INSL5: variants seen among roughly 807,000 people sequenced by gnomAD.
INSL5 encodes insulin-like peptide INSL5.
A neutral mutation model predicts 4.3 loss-of-function variants in INSL5; 3 were observed. The ratio of observed to expected loss-of-function variants is 0.70; its 90% confidence interval spans 0.32 to 1.82. The LOEUF is 1.82. Among genes scored for constraint, INSL5 ranks in the 40% most tolerant of loss-of-function variants. The pLI, the probability that INSL5 is intolerant of heterozygous loss-of-function variation, is 0.08. For synonymous variants in INSL5, 68 were observed against 56.6 expected (o/e 1.20, Z -0.90); for missense variants, 168 against 160.9 (o/e 1.04, Z -0.24).
At chr1:66,798,364 T>C in intron 1 of INSL5, 119 bp from the exon 2 acceptor site, 1 of 693,992 alleles carries the variant, frequency 1.4e-6, no homozygotes, top group Non-Finnish European at 2.4e-6. Context: ...ATCATACACA[T>C]AATTTTTTAA....
chr1:66,801,065 T>C lies in INSL5; in HGVS notation c.157A>G (p.Ile53Val). 1.2e-6 allele frequency: 2 copies of C among 1,611,884 alleles called. No homozygotes were observed. Among genetic ancestry groups the C allele is most frequent in the Non-Finnish European group, 1.7e-6 (2 of 1,178,612 alleles). ...CTGTTACCTTGCTGAGCTTGAGGGA[T>C]CCCCTCCTGATGCCTTCTCCACCTG... ...SSRWRRHQEGIPQAQQAETGN... is the reference protein window; with the variant it reads ...SSRWRRHQEGVPQAQQAETGN... Residue 53 changes from isoleucine (I) to valine (V), a missense_variant, in exon 1 of 2, where the codon ATC becomes GTC. Transcript: ENST00000304526.
At chr1:66,800,661 A>G (rs1416880654) in intron 1 of INSL5, among the ~76,000 whole-genome samples, 1 of 152,138 alleles carries the variant, frequency 6.6e-6, no homozygotes, top group Non-Finnish European at 1.5e-5. Context: ...ATATTTAACA[A>G]CTGCCGGAAT....
chr1:66,800,935 C>T (rs1170728671), intron 1 of INSL5, 112 bp downstream of exon 1: 3 of 727,590 alleles, frequency 4.1e-6, no homozygotes, highest in Non-Finnish European at 6.4e-6. Context: ...ATAAAAAATG[C>T]CTCAACAGTA....
In INSL5 at chr1:66,798,270, A is replaced by G. The variant is rs767133700; in HGVS notation, c.176-25T>C. ...GCTGTATGGAAGAGAAAAAAATAAT[A>G]CATCCTTAGACAGCTCCTACAAAGA... On this transcript the variant is annotated intron_variant, in intron 1 of 1. Coordinates refer to ENST00000304526, the MANE Select transcript of INSL5 (RefSeq NM_005478.6). 5.3e-6 allele frequency: 8 copies of G among 1,505,132 alleles called. No homozygotes were observed. The South Asian group carries it at 9.1e-5, about 17-fold the overall frequency. 93.2% of individuals were successfully genotyped at this position (1,505,132 alleles called of 1,614,324 possible). A position where few individuals can be genotyped will look rare whatever the true frequency, so the allele number is the denominator to read the frequency against.
In INSL5 at chr1:66,798,229, G is replaced by A; in HGVS notation, c.192C>T (p.Ser64=). The A allele has an allele frequency of 6.2e-7, 1 of 1,613,932 alleles. No homozygotes were observed. The highest frequency in any genetic ancestry group is 8.5e-7 in the Non-Finnish European group (1 of 1,179,854). Residue 64 remains serine (S), a synonymous_variant, in exon 2 of 2, where the codon TCC becomes TCT. Coordinates refer to ENST00000304526, the MANE Select transcript of INSL5 (RefSeq NM_005478.6). The part of the protein sequence containing the change: ...PQAQQAETGN[S]FQLPHKREFS... ...ACTCACGTTTATGTGGGAGCTGGAAGGAGTTTCCTGTCTCAGCTGTATGGA... is the reference window on the plus strand; with the variant it reads ...ACTCACGTTTATGTGGGAGCTGGAAAGAGTTTCCTGTCTCAGCTGTATGGA...
Position 66,798,256 on chromosome 1 carries a change from G to A in INSL5, c.176-11C>T, listed in dbSNP as rs773866976. 16 of 1,597,014 alleles carry A rather than the reference G, an allele frequency of 1.0e-5. No homozygotes were observed. Among genetic ancestry groups the A allele is most frequent in the Non-Finnish European group, 1.2e-5 (14 of 1,165,358 alleles). On this transcript the variant is annotated splice_polypyrimidine_tract_variant and intron_variant, in intron 1 of 1. Coordinates refer to ENST00000304526, the MANE Select transcript of INSL5 (RefSeq NM_005478.6). ...AGTTTCCTGTCTCAGCTGTATGGAA[G>A]AGAAAAAAATAATACATCCTTAGAC... is the stretch of plus-strand genomic sequence containing the variant.
In INSL5 at chr1:66,798,052, AG is replaced by A; in HGVS notation, c.368del (p.Thr123MetfsTer6). 6.2e-7 allele frequency: 1 copy of A among 1,614,106 alleles called. No homozygotes were observed. Among genetic ancestry groups the A allele is most frequent in the South Asian group, 1.1e-5 (1 of 91,086 alleles). The stretch of plus-strand genomic sequence containing the variant: ...TCAAATCAGTCATGGAACAGCCATC[AG>A]TGCAACACAAAGTTTGTAAATCTTG... The part of the protein sequence containing the change: ...SRQDLQTLCC[T>X]DGCSMTDLSA... On this transcript the variant is annotated frameshift_variant, in exon 2 of 2. Coordinates refer to ENST00000304526, the MANE Select transcript of INSL5 (RefSeq NM_005478.6). LOFTEE classifies it high-confidence loss of function.
At chr1:66,799,678 A>G (rs1185245755) in intron 1 of INSL5, among the ~76,000 whole-genome samples, 1 of 152,214 alleles carries the variant, frequency 6.6e-6, no homozygotes, top group Admixed American at 6.5e-5. Flanking sequence ...TGTATATTGT[A>G]TGTATACCTA....
At chr1:66,798,765 A>T (rs1645357543) in intron 1 of INSL5, among the ~76,000 whole-genome samples, 1 of 152,218 alleles carries the variant, frequency 6.6e-6, no homozygotes, top group South Asian at 2.1e-4. Context: ...TTGACTTATC[A>T]ATGCCTTAGC....
Position 66,798,243 on chromosome 1 carries a change from C to G in INSL5, c.178G>C (p.Glu60Gln), listed in dbSNP as rs780878572. The G allele has an allele frequency of 6.2e-6, 10 of 1,612,338 alleles. No individual in the cohort carries two copies. The Admixed American group carries it at 1.7e-4, about 27-fold the overall frequency. Residue 60 changes from glutamate (E) to glutamine (Q), a missense_variant and splice_region_variant, in exon 2 of 2, where the codon GAG (glutamate) becomes CAG (glutamine). Coordinates refer to ENST00000304526, the MANE Select transcript of INSL5 (RefSeq NM_005478.6). The stretch of plus-strand genomic sequence containing the variant: ...GGGAGCTGGAAGGAGTTTCCTGTCT[C>G]AGCTGTATGGAAGAGAAAAAAATAA... ...QEGIPQAQQA[E>Q]TGNSFQLPHK... is the part of the protein sequence containing the mutation.
In INSL5 at chr1:66,801,091, G is replaced by A; in HGVS notation, c.131C>T (p.Ser44Phe). Reference sequence around the variant, plus strand: ...CCCCTCCTGATGCCTTCTCCACCTGGAGCTAGCACAGATATAGATGACTGT... The same window carrying A: ...CCCCTCCTGATGCCTTCTCCACCTGAAGCTAGCACAGATATAGATGACTGT... The part of the protein sequence containing the change: ...IRTVIYICAS[S>F]RWRRHQEGIP... The change falls in exon 1 of 2, where the codon TCC becomes TTC. Residue 44 changes from serine to phenylalanine, a missense_variant. Physicochemically the swap from Ser to Phe is radical, Grantham distance 155. Transcript: ENST00000304526. 1 of 1,613,758 alleles carries A rather than the reference G, an allele frequency of 6.2e-7. No homozygotes were observed. Among genetic ancestry groups the A allele is most frequent in the Non-Finnish European group, 8.5e-7 (1 of 1,179,724 alleles).
intron 1 of INSL5, among the ~76,000 whole-genome samples, 195 bp from the exon 2 acceptor site, chr1:66,798,440 AT>A (rs1645355963): frequency 6.6e-6 from 1 of 152,166 alleles, no homozygotes; most frequent in African/African-American, 2.4e-5. Flanking sequence ...CACTGTCCTC[AT>A]TTTACAGAGG....
In INSL5 at chr1:66,798,258, GAA is replaced by G; in HGVS notation, c.176-15_176-14del. On this transcript the variant is annotated splice_polypyrimidine_tract_variant and intron_variant, in intron 1 of 1. Transcript: ENST00000304526. ...TTTCCTGTCTCAGCTGTATGGAAGA[GAA>G]AAAAATAATACATCCTTAGACAGCT... 6.3e-7 allele frequency: 1 copy of G among 1,588,250 alleles called. No individual in the cohort carries two copies. Among genetic ancestry groups the G allele is most frequent in the Non-Finnish European group, 8.6e-7 (1 of 1,158,740 alleles).
Position 66,797,875 on chromosome 1 carries a change from A to T in INSL5, c.*138T>A. ...TCACTGTGGTTTCAACCGCTCAGCTATACCTTTTAGAAAAGAAGTTTTGCC... is the reference window on the plus strand; with the variant it reads ...TCACTGTGGTTTCAACCGCTCAGCTTTACCTTTTAGAAAAGAAGTTTTGCC... On this transcript the variant is annotated 3_prime_UTR_variant, in exon 2 of 2. Coordinates refer to ENST00000304526, the MANE Select transcript of INSL5 (RefSeq NM_005478.6). 3.1e-6 allele frequency: 2 copies of T among 635,418 alleles called. No individual in the cohort carries two copies. The highest frequency in any genetic ancestry group is 5.5e-6 in the Non-Finnish European group (2 of 361,096). The allele number at this position is 635,418 out of a possible 1,614,324, so 39.4% of individuals were successfully genotyped here. A position where few individuals can be genotyped will look rare whatever the true frequency, so the allele number is the denominator to read the frequency against.
intron 1 of INSL5, 40 bp downstream of exon 1, chr1:66,801,007 T>A: frequency 6.9e-7 from 1 of 1,439,218 alleles, no homozygotes; most frequent in Non-Finnish European, 9.5e-7. Flanking sequence ...AAAAGAGACA[T>A]GTGAAAGGAA....
intron 1 of INSL5, 83 bp downstream of exon 1, chr1:66,800,964 A>G: frequency 9.5e-7 from 1 of 1,056,954 alleles, no homozygotes; most frequent in South Asian, 1.9e-5. Context: ...AACACTTAAT[A>G]AAATAATGGT....
At position 66,798,187 on chromosome 1, in the gene INSL5, TG is replaced by T. The variant is rs1645354782; in HGVS notation, c.233del (p.Pro78GlnfsTer34). The T allele has an allele frequency of 6.2e-7, 1 of 1,614,044 alleles. No homozygotes were observed. The highest frequency in any genetic ancestry group is 1.3e-5 in the African/African-American group (1 of 74,934). On this transcript the variant is annotated frameshift_variant, in exon 2 of 2. Coordinates refer to ENST00000304526, the MANE Select transcript of INSL5 (RefSeq NM_005478.6). LOFTEE classifies it low-confidence loss of function (END_TRUNC). ...PHKREFSEEN[P>X]AQNLPKVDAS... Reference sequence around the variant, plus strand: ...CATCCACCTTCGGAAGGTTTTGCGCTGGATTTTCCTCAGAAAACTCACGTTT... The same window carrying T: ...CATCCACCTTCGGAAGGTTTTGCGCTGATTTTCCTCAGAAAACTCACGTTT...
chr1:66,801,067 C>T lies in INSL5; in HGVS notation c.155G>A (p.Gly52Glu), dbSNP rs1486813172. 3.1e-6 allele frequency: 5 copies of T among 1,611,744 alleles called. No individual in the cohort carries two copies. Among genetic ancestry groups the T allele is most frequent in the Non-Finnish European group, 4.2e-6 (5 of 1,178,672 alleles). The stretch of plus-strand genomic sequence containing the variant: ...GTTACCTTGCTGAGCTTGAGGGATC[C>T]CCTCCTGATGCCTTCTCCACCTGGA... ...ASSRWRRHQE[G>E]IPQAQQAETG... The change falls in exon 1 of 2, where the codon GGG (glycine) becomes GAG (glutamate). Residue 52 changes from glycine (G) to glutamate (E), a missense_variant. Coordinates refer to ENST00000304526, the MANE Select transcript of INSL5 (RefSeq NM_005478.6).
intron 1 of INSL5, among the ~76,000 whole-genome samples, chr1:66,800,606 G>A (rs1032780112): frequency 6.6e-6 from 1 of 152,148 alleles, no homozygotes; most frequent in South Asian, 2.1e-4. Flanking sequence ...TAACTTCCCA[G>A]CACTTAAAAG....
Sources: allele counts gnomAD v4.1 joint callset (sites outside exome capture counted in the v4.1 genomes callset), GRCh38; gene constraint gnomAD v4.1.1; transcripts MANE v1.5; gene names NCBI Gene and HGNC (gene_info 2026-07-23, HGNC 2026-07-21).